The following SPPL2B variants were observed in gnomAD, a reference collection of about 807,000 sequenced individuals.
SPPL2B encodes the protein signal peptide peptidase-like 2B.
Under a neutral mutation model 59.7 loss-of-function variants are expected in SPPL2B, and 39 were observed. That is an observed-to-expected ratio of 0.65 (90% CI 0.51 to 0.85). The LOEUF (loss-of-function observed/expected upper bound fraction) is 0.85. SPPL2B is among the 40% of genes least tolerant of loss of function. The pLI is 0.00. For synonymous variants in SPPL2B, 419 were observed against 370.8 expected, an observed-to-expected ratio of 1.13 and a Z score of -1.49; for missense variants, 865 against 849.0, an observed-to-expected ratio of 1.02 and a Z score of -0.23.
intron 10 of SPPL2B, 34 bp downstream of exon 10, chr19:2,344,073 AC>A: frequency 7.3e-7 from 1 of 1,374,830 alleles, no homozygotes. Context: ...CCACCCCATC[AC>A]CCCGCTCCCC....
intron 1 of SPPL2B, among the ~76,000 whole-genome samples, chr19:2,331,881 G>T: frequency 6.6e-6 from 1 of 152,368 alleles, no homozygotes; most frequent in East Asian, 1.9e-4. Context: ...GCTTGGCTGT[G>T]TTCCAATAAA....
In SPPL2B at chr19:2,340,900, T is replaced by A. The variant is rs765409851; in HGVS notation, c.842T>A (p.Ile281Asn). The change falls in exon 8 of 15, where the codon ATC (isoleucine) becomes AAC (asparagine). Residue 281 changes from isoleucine to asparagine, a missense_variant and splice_region_variant. Ile to Asn is a moderately radical substitution (Grantham distance 149). Transcript: ENST00000613503. ...TCTGACTGCCCCGTGCCCCCCAGGATCCCCAACAACAGCCTGCCCTACTTC... is the reference window on the plus strand; with the variant it reads ...TCTGACTGCCCCGTGCCCCCCAGGAACCCCAACAACAGCCTGCCCTACTTC... ...VRRLPFGKCR[I>N]PNNSLPYFHK... The A allele has an allele frequency of 1.3e-6, 2 of 1,586,266 alleles. No homozygotes were observed. The highest frequency in any genetic ancestry group is 1.7e-6 in the Non-Finnish European group (2 of 1,170,774).
Position 2,339,165 on chromosome 19 carries a change from G to T in SPPL2B, c.556G>T (p.Val186Phe), listed in dbSNP as rs369865167. ...CATCTTCATCATGGCTGTGGGCACC[G>T]TCGCCATCGGCGGCTACTGGGCCGG... is the stretch of plus-strand genomic sequence containing the variant. Reference protein sequence around the residue: ...VIIFIMAVGTVAIGGYWAGSR... With the variant: ...VIIFIMAVGTFAIGGYWAGSR... Residue 186 changes from valine (V) to phenylalanine (F), a missense_variant, in exon 5 of 15, where the codon GTC becomes TTC. Transcript: ENST00000613503. 3 of 1,603,648 alleles carry T rather than the reference G, an allele frequency of 1.9e-6. No individual in the cohort carries two copies. Among genetic ancestry groups the T allele is most frequent in the Non-Finnish European group, 2.6e-6 (3 of 1,175,290 alleles).
In SPPL2B at chr19:2,337,672, G is replaced by A. The variant is rs1328491309; in HGVS notation, c.369+47G>A. On this transcript the variant is annotated intron_variant, in intron 3 of 14. Transcript: ENST00000613503. ...GCTGGGCCAGCTCTCAGGGGCAGGAGGGGGGTGCAGGAGGCAGAGATGGCA... is the reference window on the plus strand; with the variant it reads ...GCTGGGCCAGCTCTCAGGGGCAGGAAGGGGGTGCAGGAGGCAGAGATGGCA... The A allele has an allele frequency of 2.7e-6, 4 of 1,485,442 alleles. No homozygotes were observed. In the African/African-American group the frequency reaches 4.2e-5, roughly 16 times the overall value. 92.0% of individuals were successfully genotyped at this position (1,485,442 alleles called of 1,614,324 possible).
intron 6 of SPPL2B, 50 bp downstream of exon 6, chr19:2,340,016 C>T (rs150642945): frequency 2.4e-5 from 37 of 1,555,624 alleles, no homozygotes; most frequent in African/African-American, 1.6e-4. Context: ...CAGCCCGCCC[C>T]GTGCGGAGGG....
At chr19:2,338,931 G>A (rs1178270572) in intron 4 of SPPL2B, 90 bp downstream of exon 4, 2 of 1,512,442 alleles carry the variant, frequency 1.3e-6, no homozygotes, top group Non-Finnish European at 1.8e-6. Flanking sequence ...GCCTCAGTTG[G>A]TGGGATCAGG....
intron 14 of SPPL2B, 141 bp from the exon 15 acceptor site, chr19:2,352,804 TC>T (rs1969997276): frequency 1.1e-6 from 1 of 920,464 alleles, no homozygotes; most frequent in Admixed American, 2.8e-5. Flanking sequence ...GCCGGCCCCC[TC>T]CTTGGGTCCA....
intron 10 of SPPL2B, 53 bp from the exon 11 acceptor site, chr19:2,344,309 C>T (rs1969238821): frequency 2.6e-6 from 2 of 755,842 alleles, no homozygotes; most frequent in East Asian, 3.2e-5. Flanking sequence ...ACCCCACTCC[C>T]CTGCCCCCCC....
Position 2,349,723 on chromosome 19 carries a change from C to T in SPPL2B, c.1355-1711C>T, listed in dbSNP as rs1191903659. On this transcript the variant is annotated intron_variant, in intron 13 of 14. Coordinates refer to ENST00000613503, the MANE Select transcript of SPPL2B (RefSeq NM_152988.3). ...CTCCACACACACTCGTGTTCTCATTCGCTTGATTCCGTTCTCTCTCTCCAC... is the reference window on the plus strand; with the variant it reads ...CTCCACACACACTCGTGTTCTCATTTGCTTGATTCCGTTCTCTCTCTCCAC... Among the ~76,000 whole-genome samples, 149 of 137,662 alleles carry T rather than the reference C, an allele frequency of 1.1e-3. 2 individuals are homozygous for T. The highest frequency in any genetic ancestry group is 4.2e-4 in the Admixed American group (6 of 14,138). The allele number at this position is 137,662 out of a possible 152,430, so 90.3% of individuals were successfully genotyped here. A position where few individuals can be genotyped will look rare whatever the true frequency, so the allele number is the denominator to read the frequency against.
intron 1 of SPPL2B, among the ~76,000 whole-genome samples, chr19:2,329,246 G>A (rs544901931): frequency 2.0e-5 from 3 of 152,358 alleles, no homozygotes; most frequent in Admixed American, 6.5e-5. Context: ...GCGTCCCCCA[G>A]TAACTGGCAG....
At chr19:2,350,058 C>CCACA (rs1969814352) in intron 13 of SPPL2B, among the ~76,000 whole-genome samples, 4 of 144,266 alleles carry the variant, frequency 2.8e-5, no homozygotes, top group African/African-American at 2.6e-5. Context: ...TTCTCTCTCT[C>CCACA]CACACACTCA....
At chr19:2,330,054 A>G (rs569677603) in intron 1 of SPPL2B, among the ~76,000 whole-genome samples, 1 of 152,198 alleles carries the variant, frequency 6.6e-6, no homozygotes, top group African/African-American at 2.4e-5. Flanking sequence ...AAGAAAGATC[A>G]CAGAACTCTG....
intron 1 of SPPL2B, chr19:2,330,742 G>A (rs1968243544): frequency 6.6e-6 from 1 of 152,584 alleles, no homozygotes; most frequent in Non-Finnish European, 1.5e-5. Flanking sequence ...TCCTAGTCTG[G>A]ATGACAGGTT....
Position 2,334,643 on chromosome 19 carries a change from CG to C in SPPL2B, c.113del (p.Gly38AlafsTer67). 1 of 1,612,840 alleles carries C rather than the reference CG, an allele frequency of 6.2e-7. No individual in the cohort carries two copies. The highest frequency in any genetic ancestry group is 8.5e-7 in the Non-Finnish European group (1 of 1,179,434). On this transcript the variant is annotated frameshift_variant, in exon 2 of 15. Transcript: ENST00000613503. LOFTEE classifies it high-confidence loss of function. Reference sequence around the variant, plus strand: ...GCATGGTGCACGTGGTCTCCCAGGCCGGGGGCCCCGAAGGCAAAGACTACTG... The same window carrying C: ...GCATGGTGCACGTGGTCTCCCAGGCCGGGGCCCCGAAGGCAAAGACTACTG... ...YGMVHVVSQA[G>X]GPEGKDYCIL... is the part of the protein sequence containing the mutation.
chr19:2,335,194 T>C (rs112559884), intron 2 of SPPL2B, among the ~76,000 whole-genome samples: 2,845 of 143,348 alleles, frequency 0.02, 119 homozygotes, highest in African/African-American at 0.065. Flanking sequence ...TCCCACCGCA[T>C]CCCTCAGGCC....
chr19:2,329,872 A>G (rs894052436), intron 1 of SPPL2B, among the ~76,000 whole-genome samples: 3 of 152,090 alleles, frequency 2.0e-5, no homozygotes, highest in Admixed American at 1.3e-4. Context: ...CTTTTCTCTT[A>G]CCCTGAGATG....
rs529186763 is a variant in SPPL2B at position 2,335,732 on chromosome 19, C to T, written c.186+1011C>T. Among the ~76,000 whole-genome samples, 8 of 150,730 alleles carry T rather than the reference C, an allele frequency of 5.3e-5. No individual in the cohort carries two copies. The East Asian group carries it at 9.7e-4, about 18-fold the overall frequency. The stretch of plus-strand genomic sequence containing the variant: ...CTTTCCCACCGCATCCCTCAGGCCC[C>T]GCCTCCTTTCCCACTGAGTCCCTCA... On this transcript the variant is annotated intron_variant, in intron 2 of 14. Transcript: ENST00000613503.
Position 2,351,952 on chromosome 19 carries a change from G to A in SPPL2B, c.1515+358G>A, listed in dbSNP as rs564177022. Among the ~76,000 whole-genome samples, 313 of 152,272 alleles carry A rather than the reference G, an allele frequency of 2.1e-3. 4 individuals are homozygous for A. Among genetic ancestry groups the A allele is most frequent in the African/African-American group, 6.6e-3 (275 of 41,550 alleles). On this transcript the variant is annotated intron_variant, in intron 14 of 14. Transcript: ENST00000613503. ...TCCCAAATAGTAGTGCCCCACCTGC[G>A]TGGGCATCGGGCATCCATCGCCTCT...
chr19:2,349,952 TG>T (rs913030967), intron 13 of SPPL2B, among the ~76,000 whole-genome samples: 4 of 144,334 alleles, frequency 2.8e-5, no homozygotes, highest in African/African-American at 1.0e-4. Context: ...CTCATTTGCT[TG>T]ATTCTGTTCT....
Sources: allele counts gnomAD v4.1 joint callset (sites outside exome capture counted in the v4.1 genomes callset), GRCh38; gene constraint gnomAD v4.1.1; transcripts MANE v1.5; gene names NCBI Gene and HGNC (gene_info 2026-07-23, HGNC 2026-07-21).